Variants in CAPN7 observed in about 807,000 individuals in gnomAD.
The protein encoded by CAPN7 is calpain-7.
CAPN7 carries 72 observed loss-of-function variants against 115.2 expected under a neutral mutation model. The ratio of observed to expected loss-of-function variants is 0.63; its 90% CI spans 0.52 to 0.76. The LOEUF (loss-of-function observed/expected upper bound fraction) is 0.76, where lower values mean the gene tolerates loss of function less well. Ranked by LOEUF, CAPN7 falls within the 30% of genes least tolerant of loss-of-function variation. The pLI is 0.00. For synonymous variants in CAPN7, 344 were observed against 322.3 expected, an observed-to-expected ratio of 1.07 and a Z score of -0.72; for missense variants, 905 against 971.5, an observed-to-expected ratio of 0.93 and a Z score of 0.91.
chr3:15,207,226 C>T (rs2044678774), intron 1 of CAPN7, among the ~76,000 whole-genome samples: 1 of 152,032 alleles, frequency 6.6e-6, no homozygotes, highest in Admixed American at 6.6e-5. Context: ...GTGGTGTGTG[C>T]AGTTACATGC....
chr3:15,246,569 C>T lies in CAPN7; in HGVS notation c.2011-163C>T, dbSNP rs1044126808. On this transcript the variant is annotated intron_variant, in intron 17 of 20. Transcript: ENST00000253693. ...AGCAGAGAAAGCCAAGACCAGACCCCTAGCTTCTCAGTTCCCAGCTCATTA... is the reference window on the plus strand; with the variant it reads ...AGCAGAGAAAGCCAAGACCAGACCCTTAGCTTCTCAGTTCCCAGCTCATTA... 1.3e-5 allele frequency: 8 copies of T among 595,880 alleles called. No homozygotes were observed. The East Asian group carries it at 2.1e-4, about 16-fold the overall frequency. 36.9% of individuals were successfully genotyped at this position (595,880 alleles called of 1,614,324 possible).
chr3:15,250,853 G>A, intron 19 of CAPN7, 78 bp from the exon 20 acceptor site: 5 of 990,844 alleles, frequency 5.0e-6, no homozygotes, highest in Non-Finnish European at 7.9e-6. Flanking sequence ...TATGACATCT[G>A]CACTTCAGAT....
At chr3:15,219,447 A>G (rs1468439040) in intron 4 of CAPN7, among the ~76,000 whole-genome samples, 1 of 152,128 alleles carries the variant, frequency 6.6e-6, no homozygotes, top group Non-Finnish European at 1.5e-5. Flanking sequence ...GTCATCTACT[A>G]ACTTTAGTTT....
chr3:15,216,948 G>T (rs1693639672), intron 2 of CAPN7, among the ~76,000 whole-genome samples: 1 of 151,970 alleles, frequency 6.6e-6, no homozygotes. Context: ...AAAAAGAGAA[G>T]GGAGGAAGGC....
chr3:15,212,607 G>A (rs895991803), intron 2 of CAPN7, among the ~76,000 whole-genome samples: 5 of 152,156 alleles, frequency 3.3e-5, no homozygotes, highest in Admixed American at 2.6e-4. Flanking sequence ...TAGGTTCACA[G>A]TGTCTTCTCT....
At chr3:15,210,523 T>C (rs2044871333) in intron 1 of CAPN7, among the ~76,000 whole-genome samples, 2 of 152,116 alleles carry the variant, frequency 1.3e-5, no homozygotes. Context: ...ATATCTTTTC[T>C]ATCCCACTGC....
At chr3:15,247,171 G>A in intron 18 of CAPN7, 156 bp from the exon 19 acceptor site, 1 of 598,294 alleles carries the variant, frequency 1.7e-6, no homozygotes, top group East Asian at 3.0e-5. Context: ...GAGCAAAGCA[G>A]CCTGGCTGTC....
At chr3:15,216,563 G>A (rs2124893902) in intron 2 of CAPN7, among the ~76,000 whole-genome samples, 1 of 152,066 alleles carries the variant, frequency 6.6e-6, no homozygotes, top group Admixed American at 6.5e-5. Flanking sequence ...AAAATCAAAT[G>A]AAAATATTAT....
chr3:15,225,473 A>G (rs1694260215), intron 6 of CAPN7, among the ~76,000 whole-genome samples: 1 of 152,238 alleles, frequency 6.6e-6, no homozygotes, highest in South Asian at 2.1e-4. Context: ...CTTATACGAC[A>G]CAGTGTCCAT....
intron 19 of CAPN7, among the ~76,000 whole-genome samples, chr3:15,249,147 A>C (rs1695856046): frequency 6.6e-6 from 1 of 152,214 alleles, no homozygotes; most frequent in South Asian, 2.1e-4. Context: ...AGATTTGATT[A>C]AACTATTTTT....
At chr3:15,244,121 A>T (rs1239072147) in intron 16 of CAPN7, among the ~76,000 whole-genome samples, 1 of 152,196 alleles carries the variant, frequency 6.6e-6, no homozygotes, top group East Asian at 1.9e-4. Context: ...GTGCAAAGAA[A>T]TGGGCAGTGA....
chr3:15,232,486 G>A, intron 9 of CAPN7, 33 bp from the exon 10 acceptor site: 3 of 1,535,172 alleles, frequency 2.0e-6, no homozygotes, highest in Middle Eastern at 1.7e-4. Context: ...GATATTTTGT[G>A]CACCTAAGAA....
At chr3:15,226,309 A>G (rs915608287) in intron 6 of CAPN7, among the ~76,000 whole-genome samples, 9 of 151,966 alleles carry the variant, frequency 5.9e-5, no homozygotes, top group African/African-American at 1.7e-4. Flanking sequence ...CCTGACCTCA[A>G]GTGATCCGCC....
chr3:15,221,384 G>A (rs984703857), intron 5 of CAPN7, among the ~76,000 whole-genome samples: 24 of 144,952 alleles, frequency 1.7e-4, no homozygotes, highest in African/African-American at 5.8e-4. Context: ...GTAGAGACAG[G>A]GTTTCATAAT....
At chr3:15,243,514 C>T (rs2125002601) in intron 16 of CAPN7, among the ~76,000 whole-genome samples, 1 of 152,198 alleles carries the variant, frequency 6.6e-6, no homozygotes, top group African/African-American at 2.4e-5. Context: ...GAGATTAACA[C>T]CCAGGATCTG....
chr3:15,224,083 G>A (rs1694160271), intron 6 of CAPN7, among the ~76,000 whole-genome samples: 1 of 151,986 alleles, frequency 6.6e-6, no homozygotes, highest in South Asian at 2.1e-4. Context: ...TACATAATAA[G>A]GACACTCATC....
At chr3:15,215,107 A>G (rs1392437096) in intron 2 of CAPN7, among the ~76,000 whole-genome samples, 2 of 152,186 alleles carry the variant, frequency 1.3e-5, no homozygotes, top group African/African-American at 4.8e-5. Flanking sequence ...TCAGAGAGGC[A>G]TTTAAGAAGG....
chr3:15,227,820 A>G lies in CAPN7; in HGVS notation c.726-19A>G. Reference sequence around the variant, plus strand: ...TTTTAAGATTAATTTTTTTATTTTAATTTTTATTATTACCTCAGTGATAGA... The same window carrying G: ...TTTTAAGATTAATTTTTTTATTTTAGTTTTTATTATTACCTCAGTGATAGA... On this transcript the variant is annotated intron_variant, in intron 6 of 20. Coordinates refer to ENST00000253693, the MANE Select transcript of CAPN7 (RefSeq NM_014296.3). The G allele has an allele frequency of 7.2e-7, 1 of 1,396,340 alleles. No homozygotes were observed. The highest frequency in any genetic ancestry group is 9.4e-7 in the Non-Finnish European group (1 of 1,058,286). 86.5% of individuals were successfully genotyped at this position (1,396,340 alleles called of 1,614,324 possible).
At chr3:15,250,801 AGT>A (rs60650232) in intron 19 of CAPN7, 128 bp from the exon 20 acceptor site, 1 of 634,352 alleles carries the variant, frequency 1.6e-6, no homozygotes, top group South Asian at 2.1e-5. Context: ...TCAAAAATAG[AGT>A]GTGTATGTTT....
Sources: gnomAD v4.1 joint callset for allele counts (sites outside exome capture counted in the v4.1 genomes callset) on GRCh38, gnomAD v4.1.1 for gene constraint, MANE v1.5 for transcripts, NCBI Gene and HGNC (gene_info 2026-07-23, HGNC 2026-07-21) for gene names.